Variants in FRMD5 observed in about 807,000 individuals in gnomAD.
FRMD5 encodes FERM domain-containing protein 5.
FRMD5 carries 20 observed loss-of-function variants against 69.0 expected under a neutral mutation model. That is an observed-to-expected ratio of 0.29 (90% confidence interval 0.20 to 0.42). FRMD5 has a LOEUF of 0.42. FRMD5 is among the 10% of genes least tolerant of loss of function. FRMD5 has a pLI of 1.00. For missense variants in FRMD5, 595 were observed against 708.6 expected, an observed-to-expected ratio of 0.84 and a Z score of 1.82; for synonymous variants, 271 against 260.1, an observed-to-expected ratio of 1.04 and a Z score of -0.40.
At chr15:43,895,072 C>T (rs1450980091) in intron 7 of FRMD5, among the ~76,000 whole-genome samples, 1 of 152,128 alleles carries the variant, frequency 6.6e-6, no homozygotes, top group Non-Finnish European at 1.5e-5. Flanking sequence ...ACATGAGCCA[C>T]CACACCCGGC....
chr15:43,925,734 T>C (rs1314644633), intron 1 of FRMD5, among the ~76,000 whole-genome samples: 1 of 152,220 alleles, frequency 6.6e-6, no homozygotes, highest in Non-Finnish European at 1.5e-5. Flanking sequence ...GGCCTTTCCG[T>C]TCTGAACTCC....
intron 1 of FRMD5, among the ~76,000 whole-genome samples, chr15:43,950,585 A>T (rs572784270): frequency 2.0e-5 from 3 of 152,158 alleles, no homozygotes; most frequent in Non-Finnish European, 4.4e-5. Context: ...TCTTAACCTC[A>T]GTTTCACCTG....
intron 1 of FRMD5, among the ~76,000 whole-genome samples, chr15:43,947,868 G>C (rs2089970883): frequency 1.3e-5 from 2 of 152,192 alleles, no homozygotes; most frequent in African/African-American, 4.8e-5. Context: ...TTTTATCCCA[G>C]ATGTTAGTAA....
intron 1 of FRMD5, among the ~76,000 whole-genome samples, chr15:44,118,284 T>A (rs1360869267): frequency 6.6e-6 from 1 of 152,180 alleles, no homozygotes; most frequent in East Asian, 1.9e-4. Context: ...CTTCTGGGTA[T>A]ATTGTATTGT....
chr15:43,931,233 G>T (rs1335464278), intron 1 of FRMD5, among the ~76,000 whole-genome samples: 1 of 152,178 alleles, frequency 6.6e-6, no homozygotes, highest in Non-Finnish European at 1.5e-5. Flanking sequence ...ATAAATTTTA[G>T]TTGTATTTTT....
At chr15:43,955,695 C>T (rs2090103610) in intron 1 of FRMD5, among the ~76,000 whole-genome samples, 1 of 152,160 alleles carries the variant, frequency 6.6e-6, no homozygotes, top group Non-Finnish European at 1.5e-5. Flanking sequence ...CAATCAACCT[C>T]TGAGTGAAGA....
chr15:43,937,101 A>G (rs2089773829), intron 1 of FRMD5, among the ~76,000 whole-genome samples: 1 of 152,184 alleles, frequency 6.6e-6, no homozygotes, highest in African/African-American at 2.4e-5. Flanking sequence ...ACTTTTGGAA[A>G]TTATCAAATG....
chr15:43,953,184 G>T (rs895960305), intron 1 of FRMD5, among the ~76,000 whole-genome samples: 1 of 152,248 alleles, frequency 6.6e-6, no homozygotes, highest in Non-Finnish European at 1.5e-5. Flanking sequence ...AAGGAATTCA[G>T]TCAGAAGGAC....
At chr15:44,174,095 T>C (rs1182402231) in intron 1 of FRMD5, among the ~76,000 whole-genome samples, 2 of 152,104 alleles carry the variant, frequency 1.3e-5, no homozygotes, top group African/African-American at 4.8e-5. Context: ...TTAAATAAAA[T>C]TTCTACTCAA....
chr15:44,126,602 A>T (rs772939310), intron 1 of FRMD5, among the ~76,000 whole-genome samples: 1 of 152,162 alleles, frequency 6.6e-6, no homozygotes, highest in Admixed American at 6.5e-5. Context: ...AGCCAATTCC[A>T]ATCTGAGTTT....
At chr15:44,199,027 A>C (rs923684706), upstream of FRMD5, among the ~76,000 whole-genome samples, 2 of 152,090 alleles carry the variant, frequency 1.3e-5, no homozygotes, top group African/African-American at 4.8e-5. Context: ...AAACTAAACA[A>C]AGCATTTCGT....
chr15:43,960,134 G>A (rs1174723735), intron 1 of FRMD5, among the ~76,000 whole-genome samples: 2 of 152,130 alleles, frequency 1.3e-5, no homozygotes, highest in African/African-American at 4.8e-5. Context: ...TGTCGCCCAG[G>A]CTGGAGTGCA....
In FRMD5 at chr15:43,871,521, C is replaced by T. The variant is rs1463616165; in HGVS notation, c.*2364G>A. 1 of 152,206 alleles carries T rather than the reference C, an allele frequency of 6.6e-6. No homozygotes were observed. The highest frequency in any genetic ancestry group is 1.5e-5 in the Non-Finnish European group (1 of 68,042). The allele number at this position is 152,206 out of a possible 1,614,324, so 9.4% of individuals were successfully genotyped here. A position where few individuals can be genotyped will look rare whatever the true frequency, so the allele number is the denominator to read the frequency against. ...CAGTAGATACCAGGTGGACACCAGC[C>T]CCCTGTCTCCTGACAGCCTTTTCAT... is the stretch of plus-strand genomic sequence containing the variant. On this transcript the variant is annotated 3_prime_UTR_variant, in exon 14 of 14. Coordinates refer to ENST00000417257, the MANE Select transcript of FRMD5 (RefSeq NM_032892.5).
chr15:44,087,581 T>C (rs1477577616), intron 1 of FRMD5, among the ~76,000 whole-genome samples: 1 of 152,144 alleles, frequency 6.6e-6, no homozygotes, highest in Non-Finnish European at 1.5e-5. Flanking sequence ...TTACTTTTCC[T>C]CAATGTCCTT....
At chr15:44,171,701 T>C (rs1399847158) in intron 1 of FRMD5, among the ~76,000 whole-genome samples, 8 of 152,184 alleles carry the variant, frequency 5.3e-5, no homozygotes, top group African/African-American at 1.9e-4. Flanking sequence ...TACCCCTCCA[T>C]GAATGATTGC....
intron 1 of FRMD5, among the ~76,000 whole-genome samples, chr15:43,969,877 T>C (rs1595571884): frequency 1.3e-5 from 2 of 152,244 alleles, no homozygotes; most frequent in African/African-American, 2.4e-5. Flanking sequence ...TGTACTTTTA[T>C]TGGAGTTACG....
intron 1 of FRMD5, among the ~76,000 whole-genome samples, chr15:44,135,884 A>G (rs2077177040): frequency 6.6e-6 from 1 of 151,806 alleles, no homozygotes; most frequent in Non-Finnish European, 1.5e-5. Context: ...TAGTAGACGC[A>G]TAAAATTTTC....
rs139667319 is a variant in FRMD5, at chr15:44,051,766, T to G, written c.103-127457A>C. On this transcript the variant is annotated intron_variant, in intron 1 of 13. Coordinates refer to ENST00000417257, the MANE Select transcript of FRMD5 (RefSeq NM_032892.5). ...AAGTATTTTGTAGAATGTCTCTCAG[T>G]GGGGATTTGTCTGATGTTTTCCTCA... Among the ~76,000 whole-genome samples the G allele has an allele frequency of 7.2e-5, 11 of 152,234 alleles. No individual in the cohort carries two copies. The East Asian group carries it at 1.4e-3, about 19-fold the overall frequency.
intron 1 of FRMD5, among the ~76,000 whole-genome samples, chr15:43,939,143 T>C (rs28599486): frequency 0.13 from 19,965 of 152,052 alleles, 2,221 homozygotes; most frequent in African/African-American, 0.29. Context: ...AGTGCTAGGA[T>C]TACAGGTGTG....
Sources: allele counts gnomAD v4.1 joint callset (sites outside exome capture counted in the v4.1 genomes callset), GRCh38; gene constraint gnomAD v4.1.1; transcripts MANE v1.5; gene names NCBI Gene and HGNC (gene_info 2026-07-23, HGNC 2026-07-21).